Variants in WNT4 observed in about 807,000 individuals in gnomAD.
WNT4 encodes Wnt family member 4.
Under a neutral mutation model 34.5 loss-of-function variants are expected in WNT4, and 16 were observed. The ratio of observed to expected loss-of-function variants is 0.46; its 90% CI spans 0.31 to 0.70. The LOEUF (loss-of-function observed/expected upper bound fraction) is 0.70. Among genes scored for constraint, WNT4 ranks in the 30% least tolerant of loss-of-function variants. The pLI, the probability that WNT4 is intolerant of heterozygous loss-of-function variation, is 0.04. For synonymous variants in WNT4, 200 were observed against 211.9 expected, an observed-to-expected ratio of 0.94 and a Z score of 0.49; for missense variants, 379 against 495.9, an observed-to-expected ratio of 0.76 and a Z score of 2.24.
At chr1:22,121,065 C>A in intron 4 of WNT4, 146 bp downstream of exon 4, 1 of 1,385,994 alleles carries the variant, frequency 7.2e-7, no homozygotes, top group Non-Finnish European at 9.7e-7. Flanking sequence ...TCTGGCCTGT[C>A]CTGAACCCCA....
chr1:22,140,284 C>G lies in WNT4; in HGVS notation c.77+2562G>C, dbSNP rs560702881. ...TTCCTTCTAGAGGCAGCTTTTCAGT[C>G]GGACACCTCTGGCATTTACCAGCTG... On this transcript the variant is annotated intron_variant, in intron 1 of 4. Coordinates refer to ENST00000290167, the MANE Select transcript of WNT4 (RefSeq NM_030761.5). The surrounding 1 kb of genome is among the most constrained non-coding windows in gnomAD (Gnocchi z 5.9). 60 of 985,458 alleles carry G rather than the reference C, an allele frequency of 6.1e-5. 1 individual carries two copies. The highest frequency in any genetic ancestry group is 7.1e-5 in the Non-Finnish European group (59 of 829,930). 61.0% of individuals were successfully genotyped at this position (985,458 alleles called of 1,614,324 possible).
chr1:22,136,887 C>T (rs957592522), intron 1 of WNT4, among the ~76,000 whole-genome samples: 1 of 152,152 alleles, frequency 6.6e-6, no homozygotes, highest in Admixed American at 6.5e-5. Flanking sequence ...GCTGGGCACC[C>T]GACTCAGGAG....
In WNT4 at chr1:22,117,786, A is replaced by G. The variant is rs1645860758; in HGVS notation, c.*2264T>C. 1.3e-5 allele frequency: 2 copies of G among 152,288 alleles called. No homozygotes were observed. Among genetic ancestry groups the G allele is most frequent in the Admixed American group, 6.5e-5 (1 of 15,286 alleles). 9.4% of individuals were successfully genotyped at this position (152,288 alleles called of 1,614,324 possible). The stretch of plus-strand genomic sequence containing the variant: ...CTGGCAGGTGAAAAGGGCAGTTCCC[A>G]TCATACCAGCATCCAGCCTGGACCT... On this transcript the variant is annotated 3_prime_UTR_variant, in exon 5 of 5. Coordinates refer to ENST00000290167, the MANE Select transcript of WNT4 (RefSeq NM_030761.5).
At chr1:22,136,656 C>T (rs757525477) in intron 1 of WNT4, among the ~76,000 whole-genome samples, 5 of 152,136 alleles carry the variant, frequency 3.3e-5, no homozygotes, top group Non-Finnish European at 5.9e-5. Context: ...TCAGCGGCTG[C>T]GGGAACAGCT....
chr1:22,136,315 C>T (rs1012473247), intron 1 of WNT4, among the ~76,000 whole-genome samples: 16 of 152,170 alleles, frequency 1.1e-4, no homozygotes, highest in African/African-American at 3.9e-4. Context: ...TTTGCTAGAC[C>T]CATCCGACCT....
In WNT4 at chr1:22,120,655, G is replaced by T. The variant is rs12756110; in HGVS notation, c.589-138C>A. 46 of 845,420 alleles carry T rather than the reference G, an allele frequency of 5.4e-5. No homozygotes were observed. In the African/African-American group the frequency reaches 6.1e-4, roughly 11 times the overall value. The allele number at this position is 845,420 out of a possible 1,614,324, so 52.4% of individuals were successfully genotyped here. On this transcript the variant is annotated intron_variant, in intron 4 of 4. Transcript: ENST00000290167. The stretch of plus-strand genomic sequence containing the variant: ...AGATTTGCCGTTGTGCCTCCTCTTA[G>T]GAATTACGCGGTACTGGGCTGCTAA...
rs1286911535 is a variant in WNT4 at position 22,120,222 on chromosome 1, G to C, written c.884C>G (p.Thr295Arg). 6.2e-7 allele frequency: 1 copy of C among 1,613,970 alleles called. No individual in the cohort carries two copies. Among genetic ancestry groups the C allele is most frequent in the African/African-American group, 1.3e-5 (1 of 74,958 alleles). The change falls in exon 5 of 5, where the codon ACA (threonine) becomes AGA (arginine). Residue 295 changes from threonine (T) to arginine (R), a missense_variant. Thr to Arg is a moderately conservative substitution (Grantham distance 71). Transcript: ENST00000290167. ...GATGGCCTTGGACGTCTTGTTGCAT[G>C]TGCGGCCCCTCGTGCCCAGCACGCC... is the stretch of plus-strand genomic sequence containing the variant. ...RSGVLGTRGR[T>R]CNKTSKAIDG...
In WNT4 at chr1:22,117,333, C is replaced by T. The variant is rs955892353; in HGVS notation, c.*2717G>A. ...CAAGATAAAGAAATAATTGTTTTAT[C>T]GTGCATCAGACTATGTCATGGGACG... On this transcript the variant is annotated 3_prime_UTR_variant, in exon 5 of 5. Transcript: ENST00000290167. The T allele has an allele frequency of 1.6e-4, 25 of 152,256 alleles. No individual in the cohort carries two copies. The highest frequency in any genetic ancestry group is 4.1e-4 in the African/African-American group (17 of 41,466). The allele number at this position is 152,256 out of a possible 1,614,324, so 9.4% of individuals were successfully genotyped here.
rs772408932 is a variant in WNT4, at chr1:22,120,091, G to A, written c.1015C>T (p.Arg339Trp). The change falls in exon 5 of 5, where the codon CGG becomes TGG. Residue 339 changes from arginine to tryptophan, a missense_variant. This residue lies in a region of WNT4 where 313 missense variants were observed against 445.8 expected (regional missense o/e 0.70). Coordinates refer to ENST00000290167, the MANE Select transcript of WNT4 (RefSeq NM_030761.5). ...KFHWCCFVKC[R>W]QCQRLVELHT... is the part of the protein sequence containing the mutation. ...AACTCCACGAGCCGCTGGCACTGCC[G>A]GCACTTGACGAAGCAGCACCAGTGG... 4.3e-6 allele frequency: 7 copies of A among 1,612,192 alleles called. No individual in the cohort carries two copies. The South Asian group carries it at 4.4e-5, about 10-fold the overall frequency.
At chr1:22,128,669 G>C (rs1645958401) in intron 2 of WNT4, among the ~76,000 whole-genome samples, 1 of 152,116 alleles carries the variant, frequency 6.6e-6, no homozygotes, top group African/African-American at 2.4e-5. Flanking sequence ...CCACAGACCT[G>C]GGAGCGGGAC....
chr1:22,142,865 C>T lies in WNT4; in HGVS notation c.58G>A (p.Ala20Thr). ...LRLLVFAVFS[A>T]AASNWLYLAK... ...ACTTACAGCCAGTTGCTCGCGGCGG[C>T]TGAGAAGACGGCGAAGACGAGGAGG... Residue 20 changes from alanine (A) to threonine (T), a missense_variant, in exon 1 of 5, where the codon GCC becomes ACC. By Grantham distance (58) the Ala-to-Thr change is moderately conservative (BLOSUM62 0). Coordinates refer to ENST00000290167, the MANE Select transcript of WNT4 (RefSeq NM_030761.5). This position sits in a 1 kb window ranked among gnomAD's most constrained non-coding sequence, Gnocchi z 6.0. 8.2e-7 allele frequency: 1 copy of T among 1,213,076 alleles called. No individual in the cohort carries two copies. 75.1% of individuals were successfully genotyped at this position (1,213,076 alleles called of 1,614,324 possible).
chr1:22,120,498 C>T lies in WNT4; in HGVS notation c.608G>A (p.Arg203Gln), dbSNP rs752507127. The T allele has an allele frequency of 1.7e-5, 27 of 1,612,720 alleles. No homozygotes were observed. The East Asian group carries it at 2.9e-4, about 17-fold the overall frequency. ...CACCCCGTGGCACTTGCATTCCACC[C>T]GCATGTGTGTCAGGATGGCCTGTGG... ...AGRKAILTHM[R>Q]VECKCHGVSG... is the part of the protein sequence containing the mutation. The change falls in exon 5 of 5, where the codon CGG (arginine) becomes CAG (glutamine). Residue 203 changes from arginine to glutamine, a missense_variant. Physicochemically the swap from Arg to Gln is conservative, Grantham distance 43. This residue lies in a region of WNT4 where 313 missense variants were observed against 445.8 expected (regional missense o/e 0.70). Transcript: ENST00000290167.
chr1:22,143,017 C>A lies in WNT4; in HGVS notation c.-95G>T. ...GTGGGCGCCCGCGGGCGGGCCGGGG[C>A]GCGCGCGGCGGGGCTCTGCCTCCGT... On this transcript the variant is annotated 5_prime_UTR_variant, in exon 1 of 5. Coordinates refer to ENST00000290167, the MANE Select transcript of WNT4 (RefSeq NM_030761.5). 1.9e-6 allele frequency: 1 copy of A among 538,962 alleles called. No homozygotes were observed. Among genetic ancestry groups the A allele is most frequent in the Non-Finnish European group, 2.3e-6 (1 of 426,768 alleles). The allele number at this position is 538,962 out of a possible 1,614,324, so 33.4% of individuals were successfully genotyped here.
chr1:22,126,940 C>T (rs1645944898), intron 2 of WNT4: 1 of 266,592 alleles, frequency 3.8e-6, no homozygotes, highest in Admixed American at 5.1e-5. Flanking sequence ...CCATCTGCCT[C>T]ACCAGCCAAT....
At chr1:22,121,956 C>T (rs2124101543) in intron 2 of WNT4, among the ~76,000 whole-genome samples, 1 of 152,282 alleles carries the variant, frequency 6.6e-6, no homozygotes, top group East Asian at 1.9e-4. Context: ...TTCTCACTAC[C>T]CCCACCAGAA....
intron 1 of WNT4, among the ~76,000 whole-genome samples, chr1:22,131,094 G>C (rs1447964444): frequency 2.6e-5 from 4 of 152,266 alleles, no homozygotes; most frequent in Non-Finnish European, 4.4e-5. Context: ...CATTTGCCTG[G>C]CTTCACAGCC....
At chr1:22,135,395 A>G (rs1646014404) in intron 1 of WNT4, among the ~76,000 whole-genome samples, 1 of 152,192 alleles carries the variant, frequency 6.6e-6, no homozygotes, top group South Asian at 2.1e-4. Flanking sequence ...AGGATTTGAA[A>G]ACGGGTCACT....
At position 22,118,512 on chromosome 1, in the gene WNT4, G is replaced by C. The variant is rs1376687944; in HGVS notation, c.*1538C>G. 1 of 152,480 alleles carries C rather than the reference G, an allele frequency of 6.6e-6. No homozygotes were observed. Among genetic ancestry groups the C allele is most frequent in the Non-Finnish European group, 1.5e-5 (1 of 68,248 alleles). 9.4% of individuals were successfully genotyped at this position (152,480 alleles called of 1,614,324 possible). A position where few individuals can be genotyped will look rare whatever the true frequency, so the allele number is the denominator to read the frequency against. ...GTACAGGGTCAGGCCCAGGTTGCTG[G>C]TGCTGTCTCTTGGGAAATCTTGCAG... On this transcript the variant is annotated 3_prime_UTR_variant, in exon 5 of 5. Coordinates refer to ENST00000290167, the MANE Select transcript of WNT4 (RefSeq NM_030761.5).
chr1:22,133,734 G>A (rs1029551990), intron 1 of WNT4, among the ~76,000 whole-genome samples: 1 of 152,166 alleles, frequency 6.6e-6, no homozygotes, highest in South Asian at 2.1e-4. Flanking sequence ...AGCCCAGACC[G>A]CCCCTGCTGC....
Sources: gnomAD v4.1 joint callset for allele counts (sites outside exome capture counted in the v4.1 genomes callset) on GRCh38, gnomAD v4.1.1 for gene constraint, gnomAD v4.1.1 regional missense constraint, Gnocchi (gnomAD v3.1) non-coding constraint, MANE v1.5 for transcripts, NCBI Gene and HGNC (gene_info 2026-07-23, HGNC 2026-07-21) for gene names.